DLGAP2: variants seen among roughly 807,000 people sequenced by gnomAD.
The protein encoded by DLGAP2 is DLG associated protein 2.
In DLGAP2, 26 loss-of-function variants were observed where a neutral mutation model predicts 100.3. The observed-to-expected ratio is 0.26, with a 90% CI of 0.19 to 0.36. DLGAP2 has a LOEUF of 0.36. DLGAP2 is among the 10% of genes least tolerant of loss of function. The probability of loss-of-function intolerance (pLI) is 1.00; values close to 1 mark genes in which losing one functional copy is unlikely to be tolerated. For missense variants in DLGAP2, 1,858 were observed against 1,453.2 expected, an observed-to-expected ratio of 1.28 and a Z score of -4.53; for synonymous variants, 886 against 630.1, an observed-to-expected ratio of 1.41 and a Z score of -6.08.
At chr8:1,486,296 T>A (rs1799235531) in intron 3 of DLGAP2, among the ~76,000 whole-genome samples, 2 of 152,318 alleles carry the variant, frequency 1.3e-5, no homozygotes, top group South Asian at 4.1e-4. Flanking sequence ...GCAGTCTGCG[T>A]GTTCAAAGAG....
chr8:807,912 T>C (rs1232429866), intron 1 of DLGAP2, among the ~76,000 whole-genome samples: 4 of 151,932 alleles, frequency 2.6e-5, no homozygotes, highest in East Asian at 3.9e-4. Flanking sequence ...GGGGAGAAGG[T>C]TGGCGGGGAG....
rs368617017 is a variant in DLGAP2, at chr8:1,211,799, C to T, written c.74-47052C>T. On this transcript the variant is annotated intron_variant, in intron 2 of 14. Coordinates refer to ENST00000637795, the MANE Select transcript of DLGAP2 (RefSeq NM_001346810.2). ...CTGAGGCAGGAGAATTGCTTGAACCCGGGAGGTGGAGGTTGCAGTGAGCCG... is the reference window on the plus strand; with the variant it reads ...CTGAGGCAGGAGAATTGCTTGAACCTGGGAGGTGGAGGTTGCAGTGAGCCG... Among the ~76,000 whole-genome samples, 113 of 152,292 alleles carry T rather than the reference C, an allele frequency of 7.4e-4. 1 individual carries two copies. In the Middle Eastern group the frequency reaches 0.01, roughly 14 times the overall value.
intron 2 of DLGAP2, among the ~76,000 whole-genome samples, chr8:1,038,088 G>C (rs545383694): frequency 1.3e-5 from 2 of 152,322 alleles, no homozygotes; most frequent in South Asian, 4.1e-4. Context: ...GCTGTAGGTA[G>C]GCTGTGTGTG....
chr8:1,576,407 A>C (rs1212858432), intron 6 of DLGAP2, among the ~76,000 whole-genome samples: 1 of 152,072 alleles, frequency 6.6e-6, no homozygotes, highest in Non-Finnish European at 1.5e-5. Flanking sequence ...ATTTTCTCCC[A>C]TTCTGTAGGT....
intron 1 of DLGAP2, among the ~76,000 whole-genome samples, chr8:880,597 CCG>C (rs1345645432): frequency 1.0e-3 from 143 of 143,248 alleles, no homozygotes; most frequent in Non-Finnish European, 1.3e-3. Flanking sequence ...GTCGGGGTGA[CCG>C]TCCAGTGTGT....
intron 3 of DLGAP2, among the ~76,000 whole-genome samples, chr8:1,259,272 G>A (rs778243379): frequency 2.0e-5 from 3 of 152,166 alleles, no homozygotes; most frequent in Non-Finnish European, 2.9e-5. Context: ...CCCGACTGTC[G>A]GTGGCTCAGC....
Position 1,626,037 on chromosome 8 carries a change from C to T in DLGAP2, c.1443-703C>T, listed in dbSNP as rs1031923919. On this transcript the variant is annotated intron_variant, in intron 6 of 14. Transcript: ENST00000637795. ...CTCTACCCTGTGGCGGGTGCTCAGC[C>T]TCTGGGTGTGGGTTGGATGGCTTTC... Among the ~76,000 whole-genome samples the T allele has an allele frequency of 5.6e-5, 7 of 124,796 alleles. 1 individual carries two copies. The highest frequency in any genetic ancestry group is 5.5e-4 in the Admixed American group (7 of 12,680). 81.9% of individuals were successfully genotyped at this position (124,796 alleles called of 152,430 possible). A position where few individuals can be genotyped will look rare whatever the true frequency, so the allele number is the denominator to read the frequency against.
Position 990,326 on chromosome 8 carries a change from A to ACG in DLGAP2, c.73+82360_73+82361insCG, listed in dbSNP as rs1563131767. ...AGTGGCCCAGACCCCCTGCACCCCC[A>ACG]TACTCGGAGTTCCTGTTCTTCTCTC... On this transcript the variant is annotated intron_variant, in intron 2 of 14. Coordinates refer to ENST00000637795, the MANE Select transcript of DLGAP2 (RefSeq NM_001346810.2). Among the ~76,000 whole-genome samples the ACG allele has an allele frequency of 4.2e-3, 605 of 142,800 alleles. 7 individuals carry two copies. The highest frequency in any genetic ancestry group is 0.016 in the South Asian group (70 of 4,394). The allele number at this position is 142,800 out of a possible 152,430, so 93.7% of individuals were successfully genotyped here. A position where few individuals can be genotyped will look rare whatever the true frequency, so the allele number is the denominator to read the frequency against.
intron 2 of DLGAP2, among the ~76,000 whole-genome samples, chr8:1,025,174 A>G (rs1032745402): frequency 5.3e-5 from 8 of 152,038 alleles, no homozygotes; most frequent in African/African-American, 1.9e-4. Context: ...GTGTGTCTTA[A>G]TTAGTTGCAT....
chr8:1,472,605 G>A (rs1001271653), intron 3 of DLGAP2, among the ~76,000 whole-genome samples: 7 of 152,132 alleles, frequency 4.6e-5, no homozygotes, highest in Non-Finnish European at 1.0e-4. Context: ...AATAATACAT[G>A]ATGTAAACAA....
At chr8:1,542,221 G>T (rs1036006191) in intron 4 of DLGAP2, among the ~76,000 whole-genome samples, 1 of 152,200 alleles carries the variant, frequency 6.6e-6, no homozygotes, top group Non-Finnish European at 1.5e-5. Flanking sequence ...TTCATCACAT[G>T]CGTGTATTTA....
chr8:1,555,770 C>G (rs1444841255), intron 5 of DLGAP2, among the ~76,000 whole-genome samples: 3 of 152,218 alleles, frequency 2.0e-5, no homozygotes, highest in Non-Finnish European at 2.9e-5. Context: ...TAGGACCCAA[C>G]ACATTCTTAT....
intron 2 of DLGAP2, among the ~76,000 whole-genome samples, chr8:1,177,533 GT>G (rs559264664): frequency 6.8e-4 from 103 of 152,208 alleles, no homozygotes; most frequent in African/African-American, 2.2e-3. Context: ...TTGCGATTGT[GT>G]TGCTTCATTT....
intron 2 of DLGAP2, among the ~76,000 whole-genome samples, chr8:1,076,560 C>T (rs1422261402): frequency 2.0e-5 from 3 of 152,246 alleles, no homozygotes; most frequent in African/African-American, 7.2e-5. Flanking sequence ...AGGGCCACGG[C>T]TCAGCCCCTC....
chr8:980,234 A>G (rs991713204), intron 2 of DLGAP2, among the ~76,000 whole-genome samples: 1 of 152,174 alleles, frequency 6.6e-6, no homozygotes, highest in Admixed American at 6.5e-5. Context: ...GTAGCCAAAG[A>G]AACGGGATGG....
rs1358489700 is a variant in DLGAP2, at chr8:1,240,324, A to G, written c.74-18527A>G. Among the ~76,000 whole-genome samples, 20 of 141,762 alleles carry G rather than the reference A, an allele frequency of 1.4e-4. No individual in the cohort carries two copies. The Admixed American group carries it at 1.4e-3, about 10-fold the overall frequency. The allele number at this position is 141,762 out of a possible 152,430, so 93.0% of individuals were successfully genotyped here. A position where few individuals can be genotyped will look rare whatever the true frequency, so the allele number is the denominator to read the frequency against. On this transcript the variant is annotated intron_variant, in intron 2 of 14. Transcript: ENST00000637795. ...AGTTCTCTCACATGGTGCTGTGTCT[A>G]GTTCTCTCTCACACATAACGTCATG...
rs35944301 is a variant in DLGAP2, at chr8:767,348, G to GTTT, written c.18+29541_18+29543dup. On this transcript the variant is annotated intron_variant, in intron 1 of 14. Transcript: ENST00000637795. Reference sequence around the variant, plus strand: ...TGTTGCTGGCTACTGGCTGTTGACTGTTTTTTTTTTTTTTTTTTTTGAGAC... The same window carrying GTTT: ...TGTTGCTGGCTACTGGCTGTTGACTGTTTTTTTTTTTTTTTTTTTTTTTGAGAC... Among the ~76,000 whole-genome samples the GTTT allele has an allele frequency of 8.4e-4, 99 of 117,868 alleles. 1 individual carries two copies. The highest frequency in any genetic ancestry group is 1.2e-3 in the African/African-American group (37 of 31,304). The allele number at this position is 117,868 out of a possible 152,430, so 77.3% of individuals were successfully genotyped here. A position where few individuals can be genotyped will look rare whatever the true frequency, so the allele number is the denominator to read the frequency against.
At chr8:874,762 C>T (rs1797659035) in intron 1 of DLGAP2, among the ~76,000 whole-genome samples, 2 of 152,128 alleles carry the variant, frequency 1.3e-5, no homozygotes, top group African/African-American at 4.8e-5. Flanking sequence ...CCTTCTCTTT[C>T]CTTGTTGATC....
chr8:1,478,424 G>A (rs1326426260), intron 3 of DLGAP2, among the ~76,000 whole-genome samples: 12 of 152,174 alleles, frequency 7.9e-5, no homozygotes. Context: ...GCTCCTCGCG[G>A]TGTGAAGAGC....
Sources: gnomAD v4.1 joint callset for allele counts (sites outside exome capture counted in the v4.1 genomes callset) on GRCh38, gnomAD v4.1.1 for gene constraint, MANE v1.5 for transcripts, NCBI Gene and HGNC (gene_info 2026-07-23, HGNC 2026-07-21) for gene names.